ARHGAP21: variants seen among roughly 807,000 people sequenced by gnomAD.
ARHGAP21 encodes Rho GTPase activating protein 21.
ARHGAP21 carries 38 observed loss-of-function variants against 164.6 expected under a neutral mutation model. The ratio of observed to expected loss-of-function variants is 0.23; its 90% CI spans 0.18 to 0.30. ARHGAP21 has a LOEUF of 0.30. ARHGAP21 is among the 10% of genes least tolerant of loss of function. The probability of loss-of-function intolerance (pLI) is 1.00; values close to 1 mark genes in which losing one functional copy is unlikely to be tolerated. For synonymous variants in ARHGAP21, 766 were observed against 857.9 expected (o/e 0.89, Z 1.87); for missense variants, 1,822 against 2,370.7 (o/e 0.77, Z 4.81).
chr10:24,602,151 T>C, intron 12 of ARHGAP21, 48 bp from the exon 13 acceptor site: 1 of 1,569,020 alleles, frequency 6.4e-7, no homozygotes, highest in Non-Finnish European at 8.6e-7. Flanking sequence ...TTTTCCTTTA[T>C]AAATATTTGC....
chr10:24,618,694 G>A (rs1233551860), intron 9 of ARHGAP21, among the ~76,000 whole-genome samples: 1 of 152,196 alleles, frequency 6.6e-6, no homozygotes, highest in Non-Finnish European at 1.5e-5. Flanking sequence ...ATTGTGATAG[G>A]AGATCACGAA....
rs551691219 is a variant in ARHGAP21 at position 24,613,391 on chromosome 10, T to C, written c.2423-5488A>G. On this transcript the variant is annotated intron_variant, in intron 9 of 25. Transcript: ENST00000396432. The stretch of plus-strand genomic sequence containing the variant: ...ATGGGTGCCCATCACCTAGTTCAAA[T>C]ATTCCCAATTTTTACAATAATTAAG... 1.3e-4 allele frequency among the ~76,000 whole-genome samples: 20 copies of C among 152,322 alleles called. No individual in the cohort carries two copies. The South Asian group carries it at 4.1e-3, about 32-fold the overall frequency.
chr10:24,635,718 G>C (rs1346725850), intron 4 of ARHGAP21, among the ~76,000 whole-genome samples: 1 of 152,030 alleles, frequency 6.6e-6, no homozygotes, highest in East Asian at 1.9e-4. Flanking sequence ...GCTAATTTTT[G>C]TATGTTTTAG....
At chr10:24,708,620 C>T (rs1201004025) in intron 2 of ARHGAP21, among the ~76,000 whole-genome samples, 1 of 152,178 alleles carries the variant, frequency 6.6e-6, no homozygotes, top group Non-Finnish European at 1.5e-5. Context: ...TATCCTTCCA[C>T]TCTCTACACC....
chr10:24,622,549 CATAAAA>C (rs1834688009), intron 8 of ARHGAP21, among the ~76,000 whole-genome samples, 178 bp downstream of exon 8: 1 of 145,338 alleles, frequency 6.9e-6, no homozygotes, highest in Non-Finnish European at 1.5e-5. Context: ...GAAAACCAAA[CATAAAA>C]ATAAAAAATA....
chr10:24,629,019 G>A (rs1237166766), intron 7 of ARHGAP21: 2 of 35,042 alleles, frequency 5.7e-5, no homozygotes, highest in Non-Finnish European at 9.8e-5. Flanking sequence ...TTTTTGAGAT[G>A]AAGTTTTGCT....
At chr10:24,664,151 A>G (rs1444347924) in intron 4 of ARHGAP21, among the ~76,000 whole-genome samples, 1 of 152,210 alleles carries the variant, frequency 6.6e-6, no homozygotes, top group Non-Finnish European at 1.5e-5. Flanking sequence ...CTCAGACCTC[A>G]GTGCAAAATG....
chr10:24,605,022 G>A (rs2076965171), intron 11 of ARHGAP21, among the ~76,000 whole-genome samples: 1 of 152,152 alleles, frequency 6.6e-6, no homozygotes, highest in African/African-American at 2.4e-5. Flanking sequence ...GTTTTAAGAT[G>A]TTACTAAAGG....
rs2076561186 is a variant in ARHGAP21 at position 24,595,905 on chromosome 10, T to C, written c.3616A>G (p.Ile1206Val). The stretch of plus-strand genomic sequence containing the variant: ...AAACTTACATCATCTTGTATATCAA[T>C]ATCAGCCATTCCCTTGTTGAGTTCT... ...QEELNKGMAD[I>V]DIQDDKWRDL... Residue 1206 changes from isoleucine to valine, a missense_variant, in exon 18 of 26, where the codon ATT becomes GTT. Transcript: ENST00000396432. 1 of 1,612,970 alleles carries C rather than the reference T, an allele frequency of 6.2e-7. No homozygotes were observed. Among genetic ancestry groups the C allele is most frequent in the Non-Finnish European group, 8.5e-7 (1 of 1,179,654 alleles).
chr10:24,701,260 G>T (rs1473860624), intron 2 of ARHGAP21, among the ~76,000 whole-genome samples: 2 of 152,142 alleles, frequency 1.3e-5, no homozygotes, highest in African/African-American at 4.8e-5. Flanking sequence ...ACTTCACTAA[G>T]CTTGAGGCCT....
In ARHGAP21 at chr10:24,602,423, G is replaced by A. The variant is rs148802831; in HGVS notation, c.2722-320C>T. Reference sequence around the variant, plus strand: ...CGGCAAGATGCAATAACGAATGGCTGAGAAGCAGCTAGAACCTGGTGATGA... The same window carrying A: ...CGGCAAGATGCAATAACGAATGGCTAAGAAGCAGCTAGAACCTGGTGATGA... On this transcript the variant is annotated intron_variant, in intron 12 of 25. Coordinates refer to ENST00000396432, the MANE Select transcript of ARHGAP21 (RefSeq NM_020824.4). Among the ~76,000 whole-genome samples, 10 of 152,302 alleles carry A rather than the reference G, an allele frequency of 6.6e-5. No individual in the cohort carries two copies. The East Asian group carries it at 1.9e-3, about 29-fold the overall frequency.
At chr10:24,689,922 ATGTATG>A (rs1402076004) in intron 2 of ARHGAP21, among the ~76,000 whole-genome samples, 60,003 of 129,990 alleles carry the variant, frequency 0.46, 14,725 homozygotes, top group Middle Eastern at 0.52. Context: ...ATATATGTAT[ATGTATG>A]TATATGTATA....
Position 24,635,838 on chromosome 10 carries a change from C to T in ARHGAP21, c.269-735G>A, listed in dbSNP as rs551258914. 1.2e-4 allele frequency among the ~76,000 whole-genome samples: 19 copies of T among 152,334 alleles called. No individual in the cohort carries two copies. In the South Asian group the frequency reaches 2.9e-3, roughly 23 times the overall value. ...GGGATTACAGGCGTGAGCCACCGTG[C>T]CCAGCCTCTACTGCTTCTTAATACT... On this transcript the variant is annotated intron_variant, in intron 4 of 25. Coordinates refer to ENST00000396432, the MANE Select transcript of ARHGAP21 (RefSeq NM_020824.4).
At chr10:24,607,708 A>G in intron 10 of ARHGAP21, 37 bp downstream of exon 10, 1 of 1,611,986 alleles carries the variant, frequency 6.2e-7, no homozygotes, top group Non-Finnish European at 8.5e-7. Context: ...AAAACAGAGC[A>G]TGAGATACGG....
At chr10:24,723,274 G>A (rs920919555) in intron 1 of ARHGAP21, 6 of 151,166 alleles carry the variant, frequency 4.0e-5, no homozygotes, top group African/African-American at 1.2e-4. Context: ...TAATATTCAT[G>A]AGCGGCCCCA....
intron 4 of ARHGAP21, among the ~76,000 whole-genome samples, chr10:24,645,173 AAAAT>A (rs1356658108): frequency 6.6e-6 from 1 of 152,148 alleles, no homozygotes; most frequent in Non-Finnish European, 1.5e-5. Context: ...AAATGTCTCT[AAAAT>A]CTGTTCTGGA....
At chr10:24,611,019 T>C (rs1226781310) in intron 9 of ARHGAP21, among the ~76,000 whole-genome samples, 4 of 152,266 alleles carry the variant, frequency 2.6e-5, no homozygotes, top group Admixed American at 2.6e-4. Context: ...ATTTTCACTT[T>C]AAGATGTTCT....
chr10:24,605,328 T>A (rs1412827643), intron 11 of ARHGAP21, among the ~76,000 whole-genome samples: 2 of 152,210 alleles, frequency 1.3e-5, no homozygotes, highest in African/African-American at 4.8e-5. Flanking sequence ...GGAGCCTCAT[T>A]TGTTACCATG....
At chr10:24,590,480 C>T in intron 24 of ARHGAP21, 2 of 1,535,242 alleles carry the variant, frequency 1.3e-6, no homozygotes, top group South Asian at 2.4e-5. Context: ...CCCACTTCGC[C>T]TGTTCAACAT....
Sources: allele counts gnomAD v4.1 joint callset (sites outside exome capture counted in the v4.1 genomes callset), GRCh38; gene constraint gnomAD v4.1.1; transcripts MANE v1.5; gene names NCBI Gene and HGNC (gene_info 2026-07-23, HGNC 2026-07-21).